KCNMB4: variants seen among roughly 807,000 people sequenced by gnomAD.
The protein encoded by KCNMB4 is calcium-activated potassium channel subunit beta-4.
In KCNMB4, 3 loss-of-function variants were observed where a neutral mutation model predicts 20.7. That is an observed-to-expected ratio of 0.14 (90% CI 0.07 to 0.37). KCNMB4 has a LOEUF of 0.37. Among genes scored for constraint, KCNMB4 ranks in the 10% least tolerant of loss-of-function variants. The probability of loss-of-function intolerance (pLI) is 1.00; values close to 1 mark genes in which losing one functional copy is unlikely to be tolerated. For missense variants in KCNMB4, 168 were observed against 265.9 expected, an observed-to-expected ratio of 0.63 and a Z score of 2.56; for synonymous variants, 110 against 113.4, an observed-to-expected ratio of 0.97 and a Z score of 0.19.
chr12:70,369,054 T>C (rs1294555181), intron 1 of KCNMB4, among the ~76,000 whole-genome samples: 1 of 152,200 alleles, frequency 6.6e-6, no homozygotes, highest in African/African-American at 2.4e-5. Context: ...TTTGAAAAAG[T>C]ACCTGAACAA....
intron 1 of KCNMB4, among the ~76,000 whole-genome samples, chr12:70,368,553 C>T (rs1050302608): frequency 3.8e-4 from 58 of 151,790 alleles, no homozygotes; most frequent in African/African-American, 1.3e-3. Context: ...TCTTAATGCT[C>T]AGGAATTTAA....
In KCNMB4 at chr12:70,370,464, C is replaced by T. The variant is rs552995427; in HGVS notation, c.336+3394C>T. Among the ~76,000 whole-genome samples, 338 of 151,914 alleles carry T rather than the reference C, an allele frequency of 2.2e-3. 1 individual carries two copies. Among genetic ancestry groups the T allele is most frequent in the Non-Finnish European group, 3.6e-3 (247 of 67,914 alleles). On this transcript the variant is annotated intron_variant, in intron 1 of 2. Coordinates refer to ENST00000258111, the MANE Select transcript of KCNMB4 (RefSeq NM_014505.6). ...CTGGGACTACAGGCGCCCACCACCA[C>T]GCCTGGCTAATTTTTTCTATTTTTA...
chr12:70,384,060 T>G (rs1311991499), intron 1 of KCNMB4, among the ~76,000 whole-genome samples: 1 of 152,062 alleles, frequency 6.6e-6, no homozygotes, highest in African/African-American at 2.4e-5. Flanking sequence ...CAGAGCAAGA[T>G]TCCATCTCAA....
At chr12:70,405,396 C>G (rs1393119593) in intron 2 of KCNMB4, among the ~76,000 whole-genome samples, 3 of 152,070 alleles carry the variant, frequency 2.0e-5, no homozygotes, top group South Asian at 2.1e-4. Context: ...ATTGCTGAAC[C>G]TCACTAATCA....
At chr12:70,418,015 T>C (rs1868954292) in intron 2 of KCNMB4, among the ~76,000 whole-genome samples, 1 of 152,222 alleles carries the variant, frequency 6.6e-6, no homozygotes, top group Admixed American at 6.5e-5. Context: ...CTTGATTTTA[T>C]ATCAAAATTC....
chr12:70,406,451 G>A (rs1314739019), intron 2 of KCNMB4, among the ~76,000 whole-genome samples: 4 of 152,110 alleles, frequency 2.6e-5, no homozygotes, highest in East Asian at 1.9e-4. Flanking sequence ...AATGTATATC[G>A]TAAAGTAAAA....
chr12:70,400,779 C>T (rs1029267355), intron 2 of KCNMB4, among the ~76,000 whole-genome samples: 1 of 152,146 alleles, frequency 6.6e-6, no homozygotes, highest in Admixed American at 6.5e-5. Flanking sequence ...GTTCCTTGGA[C>T]TAGGGCACTT....
intron 1 of KCNMB4, among the ~76,000 whole-genome samples, chr12:70,375,040 T>A (rs1374370641): frequency 6.6e-6 from 1 of 152,218 alleles, no homozygotes; most frequent in Non-Finnish European, 1.5e-5. Flanking sequence ...GTAATTCTTA[T>A]TTTAATTACC....
chr12:70,401,118 C>T (rs981119165), intron 2 of KCNMB4, among the ~76,000 whole-genome samples: 1 of 152,158 alleles, frequency 6.6e-6, no homozygotes, highest in African/African-American at 2.4e-5. Context: ...CTGCACCTCC[C>T]AGGTCCAAGT....
intron 1 of KCNMB4, among the ~76,000 whole-genome samples, chr12:70,385,557 A>G (rs988777878): frequency 3.9e-5 from 6 of 152,212 alleles, no homozygotes; most frequent in African/African-American, 1.4e-4. Flanking sequence ...CAAAATTCCC[A>G]TTGAAGATAT....
intron 1 of KCNMB4, among the ~76,000 whole-genome samples, chr12:70,380,207 G>A (rs547234369): frequency 6.6e-6 from 1 of 152,234 alleles, no homozygotes; most frequent in East Asian, 1.9e-4. Context: ...GAATAGAGAG[G>A]CCCCAGAAGA....
intron 2 of KCNMB4, among the ~76,000 whole-genome samples, chr12:70,418,027 T>C (rs1236168967): frequency 6.6e-6 from 1 of 152,216 alleles, no homozygotes; most frequent in African/African-American, 2.4e-5. Flanking sequence ...TCAAAATTCA[T>C]GGGGAAAATG....
At chr12:70,400,480 T>C (rs937434565) in intron 2 of KCNMB4, 144 bp downstream of exon 2, 7 of 801,960 alleles carry the variant, frequency 8.7e-6, no homozygotes, top group Non-Finnish European at 1.4e-5. Context: ...ACCCATATAA[T>C]GAATCTGCAG....
At chr12:70,394,633 A>G (rs1868334392) in intron 1 of KCNMB4, among the ~76,000 whole-genome samples, 1 of 152,124 alleles carries the variant, frequency 6.6e-6, no homozygotes, top group Admixed American at 6.6e-5. Flanking sequence ...CCATGCACAT[A>G]TGCACCCACA....
At chr12:70,401,835 C>T (rs796845) in intron 2 of KCNMB4, among the ~76,000 whole-genome samples, 50,479 of 151,774 alleles carry the variant, frequency 0.33, 10,377 homozygotes, top group African/African-American at 0.58. Context: ...TTCCTTACAA[C>T]GTGGCAGCCT....
intron 2 of KCNMB4, among the ~76,000 whole-genome samples, chr12:70,425,288 A>G (rs80090574): frequency 0.12 from 18,935 of 151,868 alleles, 1,263 homozygotes; most frequent in African/African-American, 0.15. Context: ...CACAAAAAAA[A>G]TTAGCCAGGT....
rs190855236 is a variant in KCNMB4, at chr12:70,392,794, G to A, written c.337-7415G>A. ...GGAAGTTGAAAAATGAGAACATAGG[G>A]ACATAGGGAGGGCAACATCACACAC... is the stretch of plus-strand genomic sequence containing the variant. On this transcript the variant is annotated intron_variant, in intron 1 of 2. Coordinates refer to ENST00000258111, the MANE Select transcript of KCNMB4 (RefSeq NM_014505.6). 1.4e-4 allele frequency among the ~76,000 whole-genome samples: 22 copies of A among 152,236 alleles called. 1 individual carries two copies. The highest frequency in any genetic ancestry group is 1.4e-3 in the Admixed American group (22 of 15,288).
At chr12:70,427,893 C>T (rs394571) in intron 2 of KCNMB4, among the ~76,000 whole-genome samples, 3 of 152,036 alleles carry the variant, frequency 2.0e-5, no homozygotes, top group Non-Finnish European at 4.4e-5. Context: ...CACGCTGAAG[C>T]ATTTTACTAG....
chr12:70,413,376 AG>A (rs1868833811), intron 2 of KCNMB4, among the ~76,000 whole-genome samples: 1 of 152,188 alleles, frequency 6.6e-6, no homozygotes, highest in East Asian at 1.9e-4. Flanking sequence ...CAAAGCCCTG[AG>A]GGAATTTGGG....
Sources: allele counts gnomAD v4.1 joint callset (sites outside exome capture counted in the v4.1 genomes callset), GRCh38; gene constraint gnomAD v4.1.1; transcripts MANE v1.5; gene names NCBI Gene and HGNC (gene_info 2026-07-23, HGNC 2026-07-21).